Variants in EDRF1 observed in about 807,000 individuals in gnomAD.
EDRF1 encodes the protein erythroid differentiation regulatory factor 1.
Under a neutral mutation model 148.7 loss-of-function variants are expected in EDRF1, and 69 were observed. The ratio of observed to expected loss-of-function variants is 0.46; its 90% CI spans 0.38 to 0.57. The LOEUF is 0.57. Among genes scored for constraint, EDRF1 ranks in the 20% least tolerant of loss-of-function variants. The probability of loss-of-function intolerance (pLI) is 0.00; values close to 1 mark genes in which losing one functional copy is unlikely to be tolerated. For synonymous variants in EDRF1, 515 were observed against 532.8 expected, an observed-to-expected ratio of 0.97 and a Z score of 0.46; for missense variants, 1,118 against 1,478.7, an observed-to-expected ratio of 0.76 and a Z score of 4.00.
Position 125,723,754 on chromosome 10 carries a change from A to T in EDRF1, c.385-57A>T, listed in dbSNP as rs969529925. On this transcript the variant is annotated intron_variant, in intron 3 of 24. Coordinates refer to ENST00000356792, the MANE Select transcript of EDRF1 (RefSeq NM_001202438.2). ...AATGAATGAAGCTAAAATTTAAAAG[A>T]TTCCAAATCACACTAAAACAGTCTT... The T allele has an allele frequency of 1.9e-6, 3 of 1,539,784 alleles. No homozygotes were observed. The African/African-American group carries it at 4.1e-5, about 21-fold the overall frequency.
intron 24 of EDRF1, among the ~76,000 whole-genome samples, chr10:125,762,973 A>G (rs1323321224): frequency 6.6e-6 from 1 of 151,364 alleles, no homozygotes; most frequent in Non-Finnish European, 1.5e-5. Flanking sequence ...CCAAACTCCT[A>G]CCTCAATAGG....
At chr10:125,743,003 C>T (rs1378728088) in intron 17 of EDRF1, 55 bp from the exon 18 acceptor site, 3 of 1,596,928 alleles carry the variant, frequency 1.9e-6, no homozygotes, top group East Asian at 2.2e-5. Context: ...CATTTGGATA[C>T]TGAGGAAGAA....
intron 24 of EDRF1, among the ~76,000 whole-genome samples, chr10:125,762,873 T>C (rs1387978948): frequency 6.6e-6 from 1 of 152,186 alleles, no homozygotes; most frequent in Non-Finnish European, 1.5e-5. Flanking sequence ...TTCTGTGCCC[T>C]CACCCGGCTC....
chr10:125,720,036 C>G, intron 1 of EDRF1, 121 bp downstream of exon 1: 1 of 839,786 alleles, frequency 1.2e-6, no homozygotes, highest in South Asian at 1.7e-5. Flanking sequence ...CCTGACACCC[C>G]CAAAACAGGG....
At chr10:125,731,930 G>C in intron 9 of EDRF1, 1 of 449,008 alleles carries the variant, frequency 2.2e-6, no homozygotes, top group Non-Finnish European at 4.5e-6. Context: ...GCTCAAGTGA[G>C]TTGCCCAGGG....
chr10:125,749,240 CCT>C (rs1484925163), intron 21 of EDRF1, 170 bp from the exon 22 acceptor site: 1 of 705,712 alleles, frequency 1.4e-6, no homozygotes, highest in African/African-American at 1.8e-5. Context: ...AGAGCGAGAC[CCT>C]GTCTCAAAAA....
chr10:125,729,248 G>C (rs1848393798), intron 7 of EDRF1, 110 bp from the exon 8 acceptor site: 2 of 1,487,890 alleles, frequency 1.3e-6, no homozygotes, highest in South Asian at 1.2e-5. Flanking sequence ...CTTAGCTCTG[G>C]GGCCTGACTT....
chr10:125,756,062 CTTT>C (rs753585150), intron 24 of EDRF1, among the ~76,000 whole-genome samples: 4 of 151,938 alleles, frequency 2.6e-5, no homozygotes, highest in Admixed American at 6.6e-5. Flanking sequence ...GACATTTTTC[CTTT>C]TTAATATAAG....
chr10:125,763,495 C>A lies in EDRF1; in HGVS notation c.*23C>A, dbSNP rs1193651771. On this transcript the variant is annotated 3_prime_UTR_variant, in exon 25 of 25. Coordinates refer to ENST00000356792, the MANE Select transcript of EDRF1 (RefSeq NM_001202438.2). The surrounding 1 kb of genome is among the most constrained non-coding windows in gnomAD (Gnocchi z 4.3). ...TGACTGCACAGAGCCGTGTCCCAGA[C>A]ACGCTGTCAGTGCCTTCAACACGGA... 2.1e-5 allele frequency: 34 copies of A among 1,602,122 alleles called. No homozygotes were observed. Among genetic ancestry groups the A allele is most frequent in the Non-Finnish European group, 2.7e-5 (32 of 1,179,072 alleles).
At chr10:125,745,599 C>T in intron 18 of EDRF1, 108 bp from the exon 19 acceptor site, 2 of 1,171,626 alleles carry the variant, frequency 1.7e-6, no homozygotes, top group Non-Finnish European at 2.5e-6. Context: ...GACTGGCTCG[C>T]CACCACACTC....
intron 19 of EDRF1, chr10:125,746,967 A>G (rs1347992053): frequency 6.5e-6 from 1 of 154,364 alleles, no homozygotes; most frequent in African/African-American, 2.4e-5. Context: ...TGTTGGTGGC[A>G]TAAATTTTTA....
At chr10:125,737,387 C>G (rs1490878529) in intron 13 of EDRF1, among the ~76,000 whole-genome samples, 1 of 152,106 alleles carries the variant, frequency 6.6e-6, no homozygotes, top group Non-Finnish European at 1.5e-5. Context: ...TCCAGGGTCC[C>G]AGCTCCCCAC....
intron 21 of EDRF1, 200 bp from the exon 22 acceptor site, chr10:125,749,212 A>T: frequency 1.7e-6 from 1 of 582,782 alleles, no homozygotes; most frequent in Admixed American, 2.9e-5. Context: ...GCACCACTGC[A>T]TCTCCAGCCT....
chr10:125,728,185 C>CT (rs1375677889), intron 6 of EDRF1, among the ~76,000 whole-genome samples: 1 of 112,872 alleles, frequency 8.9e-6, no homozygotes, highest in Admixed American at 8.8e-5. Context: ...CTGGGCAACT[C>CT]TGTCTCAAAA....
intron 24 of EDRF1, among the ~76,000 whole-genome samples, chr10:125,755,380 A>G (rs898830686): frequency 6.6e-6 from 1 of 152,120 alleles, no homozygotes; most frequent in Non-Finnish European, 1.5e-5. Flanking sequence ...CTTTTTATGT[A>G]TTACTGGATC....
chr10:125,720,760 A>G (rs1412986080), intron 1 of EDRF1, among the ~76,000 whole-genome samples: 2 of 150,982 alleles, frequency 1.3e-5, no homozygotes, highest in African/African-American at 4.9e-5. Context: ...GCAGTGAGCC[A>G]TGATTGCTCC....
In EDRF1 at chr10:125,729,394, A is replaced by G. The variant is rs1169238243; in HGVS notation, c.931A>G (p.Thr311Ala). Reference sequence around the variant, plus strand: ...TGATTTTGTTCGGAATATTCTATGGACATTTGAAGATATCCATATGTTGGT... The same window carrying G: ...TGATTTTGTTCGGAATATTCTATGGGCATTTGAAGATATCCATATGTTGGT... ...KNDFVRNILW[T>A]FEDIHMLVGS... is the part of the protein sequence containing the mutation. The change falls in exon 8 of 25, where the codon ACA (threonine) becomes GCA (alanine). Residue 311 changes from threonine (T) to alanine (A), a missense_variant. Coordinates refer to ENST00000356792, the MANE Select transcript of EDRF1 (RefSeq NM_001202438.2). 3.7e-6 allele frequency: 6 copies of G among 1,613,776 alleles called. No individual in the cohort carries two copies. Among genetic ancestry groups the G allele is most frequent in the Non-Finnish European group, 5.1e-6 (6 of 1,179,700 alleles).
At chr10:125,737,792 G>A (rs1848815395) in intron 13 of EDRF1, 126 bp from the exon 14 acceptor site, 2 of 909,720 alleles carry the variant, frequency 2.2e-6, no homozygotes, top group Non-Finnish European at 3.6e-6. Flanking sequence ...CAACATATAT[G>A]TTGTAGGATC....
chr10:125,754,952 A>G (rs1849827203), intron 24 of EDRF1, among the ~76,000 whole-genome samples: 1 of 152,148 alleles, frequency 6.6e-6, no homozygotes, highest in Non-Finnish European at 1.5e-5. Context: ...TACTTCTTCA[A>G]ACCTTGACAA....
Sources: gnomAD v4.1 joint callset for allele counts (sites outside exome capture counted in the v4.1 genomes callset) on GRCh38, gnomAD v4.1.1 for gene constraint, Gnocchi (gnomAD v3.1) non-coding constraint, MANE v1.5 for transcripts, NCBI Gene and HGNC (gene_info 2026-07-23, HGNC 2026-07-21) for gene names.